Variants in MYO6 observed in about 807,000 individuals in gnomAD.
The protein encoded by MYO6 is unconventional myosin-VI.
A neutral mutation model predicts 178.7 loss-of-function variants in MYO6; 74 were observed. The observed-to-expected ratio is 0.41, with a 90% CI of 0.34 to 0.50. The LOEUF is 0.50. Ranked by LOEUF, MYO6 falls within the 20% of genes least tolerant of loss-of-function variation. MYO6 has a pLI of 0.09. For synonymous variants in MYO6, 477 were observed against 504.6 expected, an observed-to-expected ratio of 0.95 and a Z score of 0.73; for missense variants, 1,330 against 1,547.4, an observed-to-expected ratio of 0.86 and a Z score of 2.36.
chr6:75,837,193 G>A (rs1470302944), intron 7 of MYO6, among the ~76,000 whole-genome samples: 1 of 151,936 alleles, frequency 6.6e-6, no homozygotes, highest in African/African-American at 2.4e-5. Context: ...GGATGTATTA[G>A]GCATTATCTC....
chr6:75,868,155 G>C (rs1776848882), intron 18 of MYO6, among the ~76,000 whole-genome samples: 1 of 151,704 alleles, frequency 6.6e-6, no homozygotes, highest in African/African-American at 2.4e-5. Flanking sequence ...TAACTAAATT[G>C]ATAAAATATT....
At position 75,810,044 on chromosome 6, in the gene MYO6, A is replaced by G. The variant is rs1770536514; in HGVS notation, c.-47-7457A>G. Among the ~76,000 whole-genome samples, 3 of 146,456 alleles carry G rather than the reference A, an allele frequency of 2.0e-5. No homozygotes were observed. In the South Asian group the frequency reaches 6.5e-4, roughly 32 times the overall value. ...GGTTTCAGTGAGCCCAGATTGCCCC[A>G]TTGCCCTCCAGCTTGGGCAACAAAG... On this transcript the variant is annotated intron_variant, in intron 1 of 34. Transcript: ENST00000369977.
chr6:75,798,679 G>A (rs552092408), intron 1 of MYO6, among the ~76,000 whole-genome samples: 178 of 152,258 alleles, frequency 1.2e-3, no homozygotes, highest in African/African-American at 4.2e-3. Flanking sequence ...ACAGGCAAAA[G>A]CTGAAACTAT....
intron 1 of MYO6, among the ~76,000 whole-genome samples, chr6:75,750,342 G>T (rs1423161752): frequency 2.6e-5 from 4 of 151,794 alleles, no homozygotes; most frequent in Non-Finnish European, 4.4e-5. Context: ...TGATCCATCC[G>T]CCTCGGTCTC....
At chr6:75,845,707 A>G (rs1395240394) in intron 10 of MYO6, among the ~76,000 whole-genome samples, 1 of 151,894 alleles carries the variant, frequency 6.6e-6, no homozygotes, top group African/African-American at 2.4e-5. Flanking sequence ...AAAGCTGGTC[A>G]GGTGGAGTGG....
At chr6:75,827,427 T>C (rs1772594595) in intron 3 of MYO6, among the ~76,000 whole-genome samples, 1 of 152,174 alleles carries the variant, frequency 6.6e-6, no homozygotes, top group South Asian at 2.1e-4. Context: ...GAAAATTATA[T>C]GAAAAGGTCA....
chr6:75,772,921 G>T (rs1004322752), intron 1 of MYO6, among the ~76,000 whole-genome samples: 3 of 152,090 alleles, frequency 2.0e-5, no homozygotes, highest in African/African-American at 7.2e-5. Flanking sequence ...CAAATAATTG[G>T]ATTTTTAAGT....
chr6:75,815,871 A>G (rs1771188094), intron 1 of MYO6, among the ~76,000 whole-genome samples: 1 of 152,216 alleles, frequency 6.6e-6, no homozygotes, highest in Non-Finnish European at 1.5e-5. Flanking sequence ...ATAGATAAGT[A>G]GTGAAAAAAT....
chr6:75,892,636 A>G lies in MYO6; in HGVS notation c.3053A>G (p.Gln1018Arg), dbSNP rs758668793. The change falls in exon 28 of 35, where the codon CAG (glutamine) becomes CGG (arginine). Residue 1018 changes from glutamine to arginine, a missense_variant. Gln to Arg is a conservative substitution (Grantham distance 43, BLOSUM62 1). This residue lies in a region of MYO6 where 601 missense variants were observed against 626.1 expected (regional missense o/e 0.96). Coordinates refer to ENST00000369977, the MANE Select transcript of MYO6 (RefSeq NM_004999.4). ...CGGGAGCTGGCCCTGAGGATTGCCC[A>G]GAGTGAAGCCGAGCTCATCAGTGAT... is the stretch of plus-strand genomic sequence containing the variant. ...RDRELALRIA[Q>R]SEAELISDEA... 3.7e-6 allele frequency: 6 copies of G among 1,613,138 alleles called. No individual in the cohort carries two copies. Among genetic ancestry groups the G allele is most frequent in the Non-Finnish European group, 5.1e-6 (6 of 1,180,028 alleles).
At chr6:75,837,811 G>A (rs146553781) in intron 7 of MYO6, among the ~76,000 whole-genome samples, 1 of 152,144 alleles carries the variant, frequency 6.6e-6, no homozygotes, top group African/African-American at 2.4e-5. Context: ...TTTATTCACA[G>A]TAAAGTGCCT....
At chr6:75,765,843 A>G (rs1778367971) in intron 1 of MYO6, among the ~76,000 whole-genome samples, 1 of 152,176 alleles carries the variant, frequency 6.6e-6, no homozygotes, top group Non-Finnish European at 1.5e-5. Flanking sequence ...TCTGGACAAC[A>G]TAGCAAAACC....
At chr6:75,777,348 G>C (rs962649252) in intron 1 of MYO6, among the ~76,000 whole-genome samples, 3 of 152,058 alleles carry the variant, frequency 2.0e-5, no homozygotes, top group Admixed American at 2.0e-4. Flanking sequence ...GTGGCTGGCT[G>C]TTTGAAACAC....
intron 7 of MYO6, among the ~76,000 whole-genome samples, chr6:75,838,834 G>A (rs1773916631): frequency 6.6e-6 from 1 of 150,860 alleles, no homozygotes; most frequent in Admixed American, 6.6e-5. Context: ...GCTAATTTTT[G>A]TATTTTTAGT....
chr6:75,849,164 G>A (rs1775019258), intron 11 of MYO6, among the ~76,000 whole-genome samples: 1 of 152,092 alleles, frequency 6.6e-6, no homozygotes, highest in Admixed American at 6.6e-5. Context: ...GCCTGTTTTT[G>A]TAAGTAAAAT....
chr6:75,771,889 G>A (rs1330485979), intron 1 of MYO6, among the ~76,000 whole-genome samples: 1 of 152,144 alleles, frequency 6.6e-6, no homozygotes, highest in Non-Finnish European at 1.5e-5. Flanking sequence ...CTTGTCAGGT[G>A]TTGAGGAAAC....
Position 75,757,388 on chromosome 6 carries a change from C to T in MYO6, c.-48+7965C>T, listed in dbSNP as rs541585257. ...GTGTGTGTGTGTATATATATGTATA[C>T]ACATATATATACACACACACACATA... On this transcript the variant is annotated intron_variant, in intron 1 of 34. Coordinates refer to ENST00000369977, the MANE Select transcript of MYO6 (RefSeq NM_004999.4). Among the ~76,000 whole-genome samples the T allele has an allele frequency of 1.6e-3, 243 of 147,496 alleles. 1 individual carries two copies. Among genetic ancestry groups the T allele is most frequent in the Middle Eastern group, 3.6e-3 (1 of 276 alleles).
chr6:75,801,641 C>T (rs1583125271), intron 1 of MYO6, among the ~76,000 whole-genome samples: 2 of 151,910 alleles, frequency 1.3e-5, no homozygotes, highest in Middle Eastern at 6.8e-3. Flanking sequence ...CCTTGGAAAT[C>T]TGAAAAAATA....
Position 75,892,569 on chromosome 6 carries a change from G to GA in MYO6, c.2988dup (p.Ser997IlefsTer24). ...ACAGCTGGCCCGACAGAAGGAGGAG[G>GA]AATCCCAACAGCAAGCAGTTCTGGA... On this transcript the variant is annotated frameshift_variant, in exon 28 of 35. Transcript: ENST00000369977. LOFTEE classifies it high-confidence loss of function. The GA allele has an allele frequency of 6.2e-7, 1 of 1,613,892 alleles. No homozygotes were observed. The highest frequency in any genetic ancestry group is 1.3e-5 in the African/African-American group (1 of 75,042).
At chr6:75,863,385 G>T (rs1330688429) in intron 16 of MYO6, among the ~76,000 whole-genome samples, 2 of 152,132 alleles carry the variant, frequency 1.3e-5, no homozygotes, top group African/African-American at 4.8e-5. Context: ...TGAATCTGAA[G>T]CAATAGAGAG....
Sources: gnomAD v4.1 joint callset for allele counts (sites outside exome capture counted in the v4.1 genomes callset) on GRCh38, gnomAD v4.1.1 for gene constraint, gnomAD v4.1.1 regional missense constraint, MANE v1.5 for transcripts, NCBI Gene and HGNC (gene_info 2026-07-23, HGNC 2026-07-21) for gene names.